CACNA1D: variants seen among roughly 807,000 people sequenced by gnomAD.
CACNA1D encodes the protein voltage-dependent L-type calcium channel subunit alpha-1D.
CACNA1D carries 55 observed loss-of-function variants against 257.1 expected under a neutral mutation model. The ratio of observed to expected loss-of-function variants is 0.21; its 90% CI spans 0.17 to 0.27. The LOEUF is 0.27. CACNA1D is among the 10% of genes least tolerant of loss of function. CACNA1D has a pLI of 1.00. For synonymous variants in CACNA1D, 980 were observed against 1,014.9 expected, an observed-to-expected ratio of 0.97 and a Z score of 0.65; for missense variants, 1,876 against 2,784.0, an observed-to-expected ratio of 0.67 and a Z score of 7.34.
At chr3:53,588,293 C>T (rs79481581) in intron 3 of CACNA1D, among the ~76,000 whole-genome samples, 4,019 of 152,286 alleles carry the variant, frequency 0.026, 197 homozygotes, top group African/African-American at 0.09. Context: ...CACTGACTCA[C>T]TCACCAGTGT....
intron 5 of CACNA1D, 103 bp downstream of exon 5, chr3:53,660,378 AGG>A: frequency 9.1e-7 from 1 of 1,094,806 alleles, no homozygotes; most frequent in Non-Finnish European, 1.4e-6. Flanking sequence ...TGTGCCAGCC[AGG>A]GGTCAGCAGA....
At position 53,727,044 on chromosome 3, in the gene CACNA1D, G is replaced by C. The variant is rs2306865; in HGVS notation, c.2221+45G>C. On this transcript the variant is annotated intron_variant, in intron 15 of 47. Coordinates refer to ENST00000350061, the MANE Select transcript of CACNA1D (RefSeq NM_001128840.3). Reference sequence around the variant, plus strand: ...GGCTTTGTTGTTGCCGTCGTTATCTGGTTTTGTTTTTCTTCCTCTGCATTT... The same window carrying C: ...GGCTTTGTTGTTGCCGTCGTTATCTCGTTTTGTTTTTCTTCCTCTGCATTT... 0.023 allele frequency: 37,820 copies of C among 1,612,332 alleles called. 641 individuals carry two copies. Among genetic ancestry groups the C allele is most frequent in the East Asian group, 0.085 (3,836 of 44,868 alleles).
At chr3:53,782,258 G>GTATATATATATATATA in intron 39 of CACNA1D, 1 of 52,124 alleles carries the variant, frequency 1.9e-5, no homozygotes, top group East Asian at 9.5e-4. Context: ...GTGTGTGTGT[G>GTATATATATATATATA]TGTGTGTATA....
intron 3 of CACNA1D, among the ~76,000 whole-genome samples, chr3:53,575,708 A>G (rs1382527322): frequency 1.3e-5 from 2 of 148,568 alleles, no homozygotes; most frequent in East Asian, 1.9e-4. Flanking sequence ...ACATACACCA[A>G]TTGGTTTAAT....
chr3:53,711,531 A>G (rs539589025), intron 9 of CACNA1D, among the ~76,000 whole-genome samples: 1 of 152,334 alleles, frequency 6.6e-6, no homozygotes, highest in African/African-American at 2.4e-5. Context: ...CAGTCGACCC[A>G]GTTCTGCCAC....
chr3:53,762,462 A>G (rs1400440528), intron 30 of CACNA1D: 2 of 444,886 alleles, frequency 4.5e-6, no homozygotes, highest in Admixed American at 5.1e-5. Context: ...GCGATGCTAG[A>G]ATGTTCCCCT....
intron 26 of CACNA1D, among the ~76,000 whole-genome samples, chr3:53,747,721 T>C (rs2095184623): frequency 6.6e-6 from 1 of 152,204 alleles, no homozygotes; most frequent in African/African-American, 2.4e-5. Context: ...TGAACTCCCA[T>C]TGGATGTCAG....
chr3:53,710,631 A>G (rs532546262), intron 9 of CACNA1D, among the ~76,000 whole-genome samples: 22 of 152,258 alleles, frequency 1.4e-4, no homozygotes, highest in South Asian at 1.2e-3. Context: ...TCTTTTTCCA[A>G]AATAATGTGC....
intron 20 of CACNA1D, among the ~76,000 whole-genome samples, chr3:53,739,239 C>T (rs1351535064): frequency 6.6e-6 from 1 of 152,240 alleles, no homozygotes; most frequent in Non-Finnish European, 1.5e-5. Flanking sequence ...GTGTCCACTC[C>T]CTGCTCCCAG....
chr3:53,541,283 T>C (rs2092290615), intron 3 of CACNA1D, among the ~76,000 whole-genome samples: 2 of 152,202 alleles, frequency 1.3e-5, no homozygotes, highest in Non-Finnish European at 2.9e-5. Context: ...TAACTGGCCA[T>C]ATTCAGAGAA....
chr3:53,761,518 G>A (rs1187459518), intron 29 of CACNA1D, among the ~76,000 whole-genome samples: 2 of 152,236 alleles, frequency 1.3e-5, no homozygotes, highest in East Asian at 1.9e-4. Flanking sequence ...CTGGACTTGC[G>A]AGGACTGGAG....
chr3:53,811,576 A>G lies in CACNA1D; in HGVS notation c.*170A>G. 4 of 607,076 alleles carry G rather than the reference A, an allele frequency of 6.6e-6. No homozygotes were observed. The highest frequency in any genetic ancestry group is 8.4e-6 in the Non-Finnish European group (3 of 358,300). 37.6% of individuals were successfully genotyped at this position (607,076 alleles called of 1,614,324 possible). On this transcript the variant is annotated 3_prime_UTR_variant, in exon 48 of 48. Coordinates refer to ENST00000350061, the MANE Select transcript of CACNA1D (RefSeq NM_001128840.3). This position sits in a 1 kb window ranked among gnomAD's most constrained non-coding sequence, Gnocchi z 4.2. The stretch of plus-strand genomic sequence containing the variant: ...CAAGAAAGCCATAAACCTGGTAGGA[A>G]CAGGTCCCAAGCGGTTGAGCCTGGC...
chr3:53,761,745 A>AGTGT lies in CACNA1D; in HGVS notation c.3787-236_3787-233dup, dbSNP rs111473773. ...TGGTTTGGTGCCACTCAGGACCGTG[A>AGTGT]GTGTGTGTGTGTGTGTGTGTATGCA... is the stretch of plus-strand genomic sequence containing the variant. On this transcript the variant is annotated intron_variant, in intron 29 of 47. Transcript: ENST00000350061. 0.013 allele frequency among the ~76,000 whole-genome samples: 1,998 copies of AGTGT among 150,160 alleles called. 58 individuals carry two copies. The highest frequency in any genetic ancestry group is 0.045 in the African/African-American group (1,856 of 40,970).
intron 3 of CACNA1D, among the ~76,000 whole-genome samples, chr3:53,511,284 C>A (rs555086735): frequency 6.6e-6 from 1 of 152,180 alleles, no homozygotes; most frequent in East Asian, 1.9e-4. Context: ...GTCTACTTGC[C>A]AGGGTGCTCG....
intron 3 of CACNA1D, among the ~76,000 whole-genome samples, chr3:53,605,346 G>A (rs1167656226): frequency 1.3e-5 from 2 of 152,192 alleles, no homozygotes; most frequent in African/African-American, 2.4e-5. Flanking sequence ...TTCCAGGAAT[G>A]TGTAATTATG....
intron 3 of CACNA1D, among the ~76,000 whole-genome samples, chr3:53,645,668 T>G (rs1439160059): frequency 6.6e-6 from 1 of 152,218 alleles, no homozygotes; most frequent in Non-Finnish European, 1.5e-5. Flanking sequence ...AAAGAGGTAA[T>G]TTTTTAAAAT....
At chr3:53,631,457 A>G (rs918250555) in intron 3 of CACNA1D, among the ~76,000 whole-genome samples, 5 of 152,164 alleles carry the variant, frequency 3.3e-5, no homozygotes, top group South Asian at 2.1e-4. Context: ...TGCTATTTCC[A>G]CCATGTCTAC....
At chr3:53,570,807 A>C (rs1410502171) in intron 3 of CACNA1D, among the ~76,000 whole-genome samples, 1 of 152,272 alleles carries the variant, frequency 6.6e-6, no homozygotes, top group East Asian at 1.9e-4. Context: ...TAAGTACTGT[A>C]ATTTCAAAGA....
intron 9 of CACNA1D, chr3:53,710,509 C>T (rs554835663): frequency 3.3e-5 from 15 of 456,526 alleles, no homozygotes; most frequent in South Asian, 4.6e-5. Context: ...TTTCTTTTTC[C>T]GCAACATCTC....
Sources: gnomAD v4.1 joint callset for allele counts (sites outside exome capture counted in the v4.1 genomes callset) on GRCh38, gnomAD v4.1.1 for gene constraint, Gnocchi (gnomAD v3.1) non-coding constraint, MANE v1.5 for transcripts, NCBI Gene and HGNC (gene_info 2026-07-23, HGNC 2026-07-21) for gene names.